MRPL3: variants seen among roughly 807,000 people sequenced by gnomAD.
MRPL3 encodes the protein mitochondrial ribosomal protein L3.
MRPL3 carries 43 observed loss-of-function variants against 44.3 expected under a neutral mutation model. That is an observed-to-expected ratio of 0.97 (90% CI 0.76 to 1.25). The LOEUF (loss-of-function observed/expected upper bound fraction) is 1.25. Ranked by LOEUF, MRPL3 falls within the 50% of genes most tolerant of loss-of-function variation. The probability of loss-of-function intolerance (pLI) is 0.00; values close to 1 mark genes in which losing one functional copy is unlikely to be tolerated. For synonymous variants in MRPL3, 171 were observed against 152.3 expected (o/e 1.12, Z -0.91); for missense variants, 406 against 427.6 (o/e 0.95, Z 0.45).
intron 4 of MRPL3, among the ~76,000 whole-genome samples, chr3:131,496,754 C>T (rs896050009): frequency 6.6e-6 from 1 of 152,220 alleles, no homozygotes; most frequent in Non-Finnish European, 1.5e-5. Flanking sequence ...CTCTTTCCTT[C>T]TATCAGATTT....
Position 131,469,728 on chromosome 3 carries a change from C to G in MRPL3, c.784G>C (p.Gly262Arg). 6.2e-7 allele frequency: 1 copy of G among 1,612,204 alleles called. No individual in the cohort carries two copies. Among genetic ancestry groups the G allele is most frequent in the Non-Finnish European group, 8.5e-7 (1 of 1,178,930 alleles). The stretch of plus-strand genomic sequence containing the variant: ...CCATATTCTGTCCTGTATATGTTTC[C>G]CATTTTTCCAGGCATTTTAGTTCCA... ...WPGTKMPGKM[G>R]NIYRTEYGLK... The change falls in exon 8 of 10, where the codon GGA becomes CGA. Residue 262 changes from glycine (G) to arginine (R), a missense_variant. Coordinates refer to ENST00000264995, the MANE Select transcript of MRPL3 (RefSeq NM_007208.4).
intron 4 of MRPL3, among the ~76,000 whole-genome samples, chr3:131,490,909 A>G (rs988911015): frequency 6.6e-6 from 1 of 152,226 alleles, no homozygotes; most frequent in Non-Finnish European, 1.5e-5. Flanking sequence ...TCATGCTGAC[A>G]GATGAGCTCT....
rs747646068 is a variant in MRPL3 at position 131,502,859 on chromosome 3, C to A, written c.-38G>T. On this transcript the variant is annotated 5_prime_UTR_variant, in exon 1 of 10. Transcript: ENST00000264995. ...GAAGACTCGACTCACGACTTCCGGG[C>A]GCCCTGCCGCTCTGCTTTCAGGGAG... The A allele has an allele frequency of 4.5e-5, 72 of 1,588,930 alleles. No homozygotes were observed. The highest frequency in any genetic ancestry group is 4.5e-5 in the South Asian group (4 of 89,054).
intron 2 of MRPL3, 117 bp downstream of exon 2, chr3:131,501,414 A>G (rs1222481389): frequency 1.2e-5 from 11 of 914,606 alleles, no homozygotes; most frequent in East Asian, 2.5e-5. Flanking sequence ...AAACACACGC[A>G]GCACATGAAA....
intron 5 of MRPL3, among the ~76,000 whole-genome samples, chr3:131,488,982 G>C (rs1259645448): frequency 1.3e-5 from 2 of 151,770 alleles, no homozygotes; most frequent in Non-Finnish European, 2.9e-5. Flanking sequence ...GACCATTTTT[G>C]ACCCCAAAAA....
Position 131,466,233 on chromosome 3 carries a change from A to T in MRPL3, c.894+1858T>A, listed in dbSNP as rs187866595. Among the ~76,000 whole-genome samples, 1,073 of 152,252 alleles carry T rather than the reference A, an allele frequency of 7.0e-3. 9 individuals carry two copies. The highest frequency in any genetic ancestry group is 0.014 in the Middle Eastern group (4 of 294). ...GAAATGAAAAAAAATATATAAGGAAACACTGAGTTTAAAAAATCAGAGGAT... is the reference window on the plus strand; with the variant it reads ...GAAATGAAAAAAAATATATAAGGAATCACTGAGTTTAAAAAATCAGAGGAT... On this transcript the variant is annotated intron_variant, in intron 9 of 9. Coordinates refer to ENST00000264995, the MANE Select transcript of MRPL3 (RefSeq NM_007208.4).
At chr3:131,464,314 G>A (rs541656592) in intron 9 of MRPL3, among the ~76,000 whole-genome samples, 4 of 152,154 alleles carry the variant, frequency 2.6e-5, no homozygotes, top group African/African-American at 7.2e-5. Flanking sequence ...TATTTTAGAC[G>A]ACGGAATCAC....
At position 131,462,733 on chromosome 3, in the gene MRPL3, G is replaced by A; in HGVS notation, c.1037C>T (p.Thr346Ile). ...NVCQPGAPSITFA is the reference protein window; with the variant it reads ...NVCQPGAPSIIFA ...CCACGTCCAAAGATGTTAGGCAAAT[G>A]TAATAGAAGGCGCACCGGGCTGACA... The change falls in exon 10 of 10, where the codon ACA becomes ATA. Residue 346 changes from threonine to isoleucine, a missense_variant. Physicochemically the swap from Thr to Ile is moderately conservative, Grantham distance 89. Transcript: ENST00000264995. 1.2e-6 allele frequency: 2 copies of A among 1,611,116 alleles called. No homozygotes were observed. The highest frequency in any genetic ancestry group is 2.2e-5 in the East Asian group (1 of 44,804).
chr3:131,486,837 G>A (rs143777546), intron 6 of MRPL3, among the ~76,000 whole-genome samples: 50 of 152,248 alleles, frequency 3.3e-4, no homozygotes, highest in Non-Finnish European at 5.9e-4. Flanking sequence ...AAATACAAAC[G>A]CTTTTACACT....
Position 131,462,638 on chromosome 3 carries a change from G to T in MRPL3, c.*85C>A. On this transcript the variant is annotated 3_prime_UTR_variant, in exon 10 of 10. Transcript: ENST00000264995. Reference sequence around the variant, plus strand: ...TGTGATTTTGTTGTGACTAAGAAAGGAGAGTATGATTTCTGGTGGTTATGA... The same window carrying T: ...TGTGATTTTGTTGTGACTAAGAAAGTAGAGTATGATTTCTGGTGGTTATGA... The T allele has an allele frequency of 1.6e-6, 2 of 1,290,066 alleles. No individual in the cohort carries two copies. Among genetic ancestry groups the T allele is most frequent in the Non-Finnish European group, 2.1e-6 (2 of 943,710 alleles). The allele number at this position is 1,290,066 out of a possible 1,614,324, so 79.9% of individuals were successfully genotyped here.
intron 5 of MRPL3, among the ~76,000 whole-genome samples, chr3:131,488,295 A>G (rs1179870322): frequency 6.6e-6 from 1 of 152,194 alleles, no homozygotes; most frequent in Non-Finnish European, 1.5e-5. Flanking sequence ...GATAATTAGA[A>G]TAGCAAAAAA....
intron 3 of MRPL3, 53 bp downstream of exon 3, chr3:131,500,377 A>G (rs774451279): frequency 2.1e-6 from 3 of 1,446,412 alleles, no homozygotes; most frequent in East Asian, 2.3e-5. Context: ...AGGTTTGCAC[A>G]AACAGATCTT....
rs946552055 is a variant in MRPL3, at chr3:131,501,998, A to G, written c.93-283T>C. On this transcript the variant is annotated intron_variant, in intron 1 of 9. Coordinates refer to ENST00000264995, the MANE Select transcript of MRPL3 (RefSeq NM_007208.4). ...AAAACAGTCCTACCTATAGACATGA[A>G]AAGCCACTAACCCATTTGGAAGTGT... The G allele has an allele frequency of 1.3e-5, 16 of 1,207,578 alleles. No homozygotes were observed. In the Middle Eastern group the frequency reaches 8.1e-4, roughly 61 times the overall value. The allele number at this position is 1,207,578 out of a possible 1,614,324, so 74.8% of individuals were successfully genotyped here.
intron 6 of MRPL3, among the ~76,000 whole-genome samples, chr3:131,482,360 C>T (rs1379955485): frequency 1.3e-5 from 2 of 151,848 alleles, no homozygotes; most frequent in Non-Finnish European, 2.9e-5. Context: ...ACTAAAAATA[C>T]AAAAAATTAG....
At chr3:131,486,619 A>G (rs1369820037) in intron 6 of MRPL3, among the ~76,000 whole-genome samples, 1 of 152,096 alleles carries the variant, frequency 6.6e-6, no homozygotes, top group East Asian at 1.9e-4. Context: ...TTTACAAGAA[A>G]AAAACCAACC....
chr3:131,480,270 A>G (rs965395564), intron 6 of MRPL3, among the ~76,000 whole-genome samples: 3 of 152,126 alleles, frequency 2.0e-5, no homozygotes, highest in African/African-American at 7.2e-5. Context: ...TTTCTACCCA[A>G]TTCAGTGTTG....
At chr3:131,463,805 T>C (rs1933543331) in intron 9 of MRPL3, among the ~76,000 whole-genome samples, 1 of 152,170 alleles carries the variant, frequency 6.6e-6, no homozygotes, top group East Asian at 1.9e-4. Flanking sequence ...CATTATTGGA[T>C]TCTTCAGAAC....
At chr3:131,476,999 G>A (rs1057264404) in intron 6 of MRPL3, among the ~76,000 whole-genome samples, 2 of 152,172 alleles carry the variant, frequency 1.3e-5, no homozygotes, top group African/African-American at 4.8e-5. Flanking sequence ...TCCTGCAGAA[G>A]GGAATGCACA....
In MRPL3 at chr3:131,501,549, T is replaced by C. The variant is rs990974707; in HGVS notation, c.259A>G (p.Ile87Val). 9.3e-6 allele frequency: 15 copies of C among 1,611,608 alleles called. No individual in the cohort carries two copies. Among genetic ancestry groups the C allele is most frequent in the Admixed American group, 8.3e-5 (5 of 59,928 alleles). The change falls in exon 2 of 10, where the codon ATA becomes GTA. Residue 87 changes from isoleucine (I) to valine (V), a missense_variant. Physicochemically the swap from Ile to Val is conservative, Grantham distance 29 (BLOSUM62 3). Transcript: ENST00000264995. ...LCPLKDEPWP[I>V]HPWEPGSFRV... ...TAATCACCTGGTTCCCAAGGATGTATAGGCCATGGTTCATCTTTCAGAGGA... is the reference window on the plus strand; with the variant it reads ...TAATCACCTGGTTCCCAAGGATGTACAGGCCATGGTTCATCTTTCAGAGGA...
Sources: allele counts gnomAD v4.1 joint callset (sites outside exome capture counted in the v4.1 genomes callset), GRCh38; gene constraint gnomAD v4.1.1; transcripts MANE v1.5; gene names NCBI Gene and HGNC (gene_info 2026-07-23, HGNC 2026-07-21).